Variants in MED12L observed in about 807,000 individuals in gnomAD.
MED12L encodes mediator of RNA polymerase II transcription subunit 12-like protein.
Under a neutral mutation model 281.3 loss-of-function variants are expected in MED12L, and 60 were observed. The ratio of observed to expected loss-of-function variants is 0.21; its 90% CI spans 0.17 to 0.26. The LOEUF is 0.26. MED12L is among the 10% of genes least tolerant of loss of function. The pLI, the probability that MED12L is intolerant of heterozygous loss-of-function variation, is 1.00. For missense variants in MED12L, 2,146 were observed against 2,680.9 expected (o/e 0.80, Z 4.41); for synonymous variants, 974 against 987.2 (o/e 0.99, Z 0.25).
intron 16 of MED12L, among the ~76,000 whole-genome samples, chr3:151,233,471 C>T (rs1268998885): frequency 3.9e-5 from 6 of 152,202 alleles, no homozygotes; most frequent in African/African-American, 7.2e-5. Context: ...TGATGGCTCC[C>T]GCCTGTAATC....
intron 12 of MED12L, 147 bp from the exon 13 acceptor site, chr3:151,188,207 G>T (rs1175687775): frequency 1.8e-6 from 1 of 545,500 alleles, no homozygotes. Flanking sequence ...CACCTGAGGT[G>T]CATGGTCCCT....
chr3:151,250,153 C>T (rs186006429), intron 16 of MED12L, among the ~76,000 whole-genome samples: 2 of 152,288 alleles, frequency 1.3e-5, no homozygotes, highest in East Asian at 3.9e-4. Context: ...GTAATCTAGT[C>T]CACTCTGCCT....
At chr3:151,093,605 C>A (rs1196766700) in intron 2 of MED12L, among the ~76,000 whole-genome samples, 3 of 152,186 alleles carry the variant, frequency 2.0e-5, no homozygotes, top group Admixed American at 6.5e-5. Flanking sequence ...AGTTACTTTC[C>A]TCCTTGAAGT....
At chr3:151,225,497 T>TAG (rs2149291837) in intron 16 of MED12L, among the ~76,000 whole-genome samples, 1 of 152,294 alleles carries the variant, frequency 6.6e-6, no homozygotes, top group African/African-American at 2.4e-5. Flanking sequence ...ATTAATTTGC[T>TAG]CACGAGGCCT....
intron 11 of MED12L, among the ~76,000 whole-genome samples, chr3:151,169,993 G>A (rs938695002): frequency 1.3e-5 from 2 of 152,176 alleles, no homozygotes; most frequent in Non-Finnish European, 2.9e-5. Context: ...CTGGAACTGC[G>A]ACAGGGAAAT....
intron 2 of MED12L, among the ~76,000 whole-genome samples, chr3:151,112,498 C>G (rs1292855145): frequency 6.6e-6 from 1 of 152,112 alleles, no homozygotes; most frequent in Non-Finnish European, 1.5e-5. Context: ...TTCTGCCTTT[C>G]TAACAGGCTT....
intron 2 of MED12L, among the ~76,000 whole-genome samples, chr3:151,114,518 A>G (rs146609769): frequency 6.6e-5 from 10 of 152,316 alleles, no homozygotes; most frequent in African/African-American, 2.2e-4. Flanking sequence ...ATTTTGATCA[A>G]TTGCTGTTTT....
intron 16 of MED12L, among the ~76,000 whole-genome samples, chr3:151,208,550 C>T (rs1459170090): frequency 1.3e-5 from 2 of 152,034 alleles, no homozygotes; most frequent in Admixed American, 6.6e-5. Flanking sequence ...GGCGTGATGG[C>T]GGGTACCTGT....
chr3:151,396,669 C>T (rs1715019658), intron 39 of MED12L, among the ~76,000 whole-genome samples: 1 of 152,050 alleles, frequency 6.6e-6, no homozygotes, highest in African/African-American at 2.4e-5. Context: ...GTAAAACTTG[C>T]CACTTTAATT....
intron 16 of MED12L, chr3:151,338,410 C>T: frequency 1.2e-6 from 2 of 1,614,078 alleles, no homozygotes; most frequent in Non-Finnish European, 1.7e-6. Context: ...CAGATGACAA[C>T]AGAGAGAATC....
intron 44 of MED12L, 47 bp downstream of exon 44, chr3:151,430,427 A>G: frequency 6.2e-7 from 1 of 1,607,582 alleles, no homozygotes; most frequent in South Asian, 1.1e-5. Flanking sequence ...CGGAAAATTA[A>G]AAATAAGCCA....
chr3:151,160,235 G>A, intron 8 of MED12L, 134 bp downstream of exon 8: 1 of 814,870 alleles, frequency 1.2e-6, no homozygotes. Context: ...TTTATTGATT[G>A]AAATTTTATG....
At chr3:151,389,847 C>A in intron 37 of MED12L, 132 bp from the exon 38 acceptor site, 1 of 787,596 alleles carries the variant, frequency 1.3e-6, no homozygotes, top group Non-Finnish European at 2.0e-6. Flanking sequence ...TTCCTTCCAT[C>A]TTCTCCTTTA....
chr3:151,328,567 G>A (rs1449772175), intron 16 of MED12L: 4 of 1,613,626 alleles, frequency 2.5e-6, no homozygotes, highest in Non-Finnish European at 3.4e-6. Context: ...TGAAGATTGA[G>A]ACCGTTTTTG....
At position 151,085,697 on chromosome 3, in the gene MED12L, A is replaced by C. The variant is rs933013046; in HGVS notation, c.-369A>C. On this transcript the variant is annotated 5_prime_UTR_variant, in exon 1 of 45. Transcript: ENST00000687756. ...TGCGGACGCCGCGCCGCCGTCCGCC[A>C]ACTCGGAAGCTCGCGCTCCCGGGCC... The C allele has an allele frequency of 9.9e-5, 15 of 151,868 alleles. No homozygotes were observed. The highest frequency in any genetic ancestry group is 3.6e-4 in the African/African-American group (15 of 41,372). 9.4% of individuals were successfully genotyped at this position (151,868 alleles called of 1,614,324 possible).
At chr3:151,357,999 T>A (rs1754133345) in intron 20 of MED12L, among the ~76,000 whole-genome samples, 1 of 152,174 alleles carries the variant, frequency 6.6e-6, no homozygotes, top group African/African-American at 2.4e-5. Flanking sequence ...TTTTATCCAC[T>A]CTCCAGGGCT....
intron 5 of MED12L, among the ~76,000 whole-genome samples, chr3:151,154,654 G>A (rs1004756903): frequency 6.6e-6 from 1 of 152,134 alleles, no homozygotes; most frequent in African/African-American, 2.4e-5. Context: ...AATAGCAAGG[G>A]TTGGCATACA....
At position 151,160,494 on chromosome 3, in the gene MED12L, C is replaced by T. The variant is rs568303143; in HGVS notation, c.1107+393C>T. 5.2e-4 allele frequency among the ~76,000 whole-genome samples: 79 copies of T among 152,280 alleles called. 1 individual carries two copies. The highest frequency in any genetic ancestry group is 1.7e-3 in the African/African-American group (70 of 41,548). On this transcript the variant is annotated intron_variant, in intron 8 of 44. Transcript: ENST00000687756. ...TCTGTGTTTAAAGTCCAAATCGTAT[C>T]GGGTTCCGTTCGTCTTCCAAGCATT... is the stretch of plus-strand genomic sequence containing the variant.
At chr3:151,230,357 C>T (rs1008618069) in intron 16 of MED12L, among the ~76,000 whole-genome samples, 1 of 152,226 alleles carries the variant, frequency 6.6e-6, no homozygotes. Context: ...CAATAGAAGT[C>T]AGTCAAGTAC....
Sources: allele counts gnomAD v4.1 joint callset (sites outside exome capture counted in the v4.1 genomes callset), GRCh38; gene constraint gnomAD v4.1.1; transcripts MANE v1.5; gene names NCBI Gene and HGNC (gene_info 2026-07-23, HGNC 2026-07-21).